LEPR: variants seen among roughly 807,000 people sequenced by gnomAD.
The protein encoded by LEPR is OB receptor.
LEPR carries 56 observed loss-of-function variants against 114.7 expected under a neutral mutation model. That is an observed-to-expected ratio of 0.49 (90% CI 0.39 to 0.61). The LOEUF is 0.61. Among genes scored for constraint, LEPR ranks in the 20% least tolerant of loss-of-function variants. The pLI is 0.00. For synonymous variants in LEPR, 443 were observed against 461.4 expected, an observed-to-expected ratio of 0.96 and a Z score of 0.51; for missense variants, 1,202 against 1,352.9, an observed-to-expected ratio of 0.89 and a Z score of 1.75.
intron 4 of LEPR, 105 bp downstream of exon 4, chr1:65,570,907 T>C: frequency 1.1e-6 from 1 of 936,286 alleles, no homozygotes; most frequent in Non-Finnish European, 1.5e-6. Context: ...TACATAATCA[T>C]TTTTATATGG....
chr1:65,608,862 G>T lies in LEPR; in HGVS notation c.1713G>T (p.Gln571His), dbSNP rs141393785. 4.5e-5 allele frequency: 72 copies of T among 1,613,672 alleles called. No homozygotes were observed. The African/African-American group carries it at 7.6e-4, about 17-fold the overall frequency. Reference sequence around the variant, plus strand: ...TTCCAGAGAATAACCTTCAATTCCAGATTCGCTATGGTTTAAGTGGAAAAG... The same window carrying T: ...TTCCAGAGAATAACCTTCAATTCCATATTCGCTATGGTTTAAGTGGAAAAG... ...PVFPENNLQF[Q>H]IRYGLSGKEV... The change falls in exon 12 of 20, where the codon CAG (glutamine) becomes CAT (histidine). Residue 571 changes from glutamine to histidine, a missense_variant. Coordinates refer to ENST00000349533, the MANE Select transcript of LEPR (RefSeq NM_002303.6).
intron 2 of LEPR, among the ~76,000 whole-genome samples, chr1:65,538,858 A>G (rs1347871268): frequency 6.6e-6 from 1 of 150,848 alleles, no homozygotes; most frequent in Non-Finnish European, 1.5e-5. Context: ...TGTGCCTTTT[A>G]TCTCTGGGAA....
At chr1:65,494,808 C>G (rs551384967) in intron 2 of LEPR, among the ~76,000 whole-genome samples, 1 of 152,210 alleles carries the variant, frequency 6.6e-6, no homozygotes, top group East Asian at 1.9e-4. Flanking sequence ...AATATCACAA[C>G]CCTTCCAAAC....
intron 2 of LEPR, among the ~76,000 whole-genome samples, chr1:65,556,335 A>G (rs1652813838): frequency 1.3e-5 from 2 of 152,170 alleles, no homozygotes; most frequent in South Asian, 4.1e-4. Context: ...AGAAAACTGC[A>G]TTCCAGGGGA....
chr1:65,476,875 C>T (rs367762907), intron 2 of LEPR, among the ~76,000 whole-genome samples: 3 of 152,106 alleles, frequency 2.0e-5, no homozygotes, highest in African/African-American at 7.2e-5. Context: ...ATGTAAGGTG[C>T]GAAGAAAACA....
At chr1:65,438,317 C>T (rs1004209038) in intron 2 of LEPR, among the ~76,000 whole-genome samples, 2 of 151,486 alleles carry the variant, frequency 1.3e-5, no homozygotes, top group South Asian at 2.1e-4. Flanking sequence ...TTTGGGAGGC[C>T]GAGGTGGGCA....
chr1:65,436,066 T>C, intron 2 of LEPR: 1 of 984,898 alleles, frequency 1.0e-6, no homozygotes, highest in Non-Finnish European at 1.2e-6. Context: ...TGCGGTACGT[T>C]ACATTTGGAA....
intron 7 of LEPR, among the ~76,000 whole-genome samples, chr1:65,598,148 G>A (rs1176182226): frequency 7.4e-6 from 1 of 134,942 alleles, no homozygotes; most frequent in Non-Finnish European, 1.5e-5. Context: ...TGCTCAGGCT[G>A]GTCTTGAACT....
At chr1:65,588,121 A>T (rs3828036) in intron 5 of LEPR, among the ~76,000 whole-genome samples, 68,771 of 151,364 alleles carry the variant, frequency 0.45, 16,228 homozygotes, top group East Asian at 0.87. Flanking sequence ...CTGTTACTCC[A>T]CACTCTTCTC....
At chr1:65,626,396 T>C in intron 19 of LEPR, 1 of 775,456 alleles carries the variant, frequency 1.3e-6, no homozygotes, top group Non-Finnish European at 1.6e-6. Flanking sequence ...TCTGGAAATA[T>C]TTGACTTTCT....
chr1:65,454,613 C>T (rs1646840541), intron 2 of LEPR, among the ~76,000 whole-genome samples: 1 of 151,874 alleles, frequency 6.6e-6, no homozygotes, highest in African/African-American at 2.4e-5. Context: ...TATTGGCCCC[C>T]ACTCTCTTCT....
At chr1:65,497,485 A>G (rs144829353) in intron 2 of LEPR, among the ~76,000 whole-genome samples, 2 of 152,228 alleles carry the variant, frequency 1.3e-5, no homozygotes, top group East Asian at 1.9e-4. Flanking sequence ...GAGCTGTCCA[A>G]TAGTAACTTT....
intron 2 of LEPR, among the ~76,000 whole-genome samples, chr1:65,524,671 GC>G (rs1557639532): frequency 6.6e-6 from 1 of 152,124 alleles, no homozygotes; most frequent in East Asian, 1.9e-4. Context: ...TTAAGTAGAG[GC>G]CTTTAAAAAT....
intron 2 of LEPR, among the ~76,000 whole-genome samples, chr1:65,463,696 C>G (rs1352233995): frequency 1.3e-5 from 2 of 152,120 alleles, no homozygotes; most frequent in Non-Finnish European, 2.9e-5. Context: ...TCTTTTATTT[C>G]ATTGAGCAGT....
intron 2 of LEPR, among the ~76,000 whole-genome samples, chr1:65,508,494 G>A (rs982389938): frequency 6.6e-6 from 1 of 152,160 alleles, no homozygotes; most frequent in Non-Finnish European, 1.5e-5. Flanking sequence ...TCAATTGACT[G>A]TAGATGTATA....
intron 2 of LEPR, chr1:65,432,574 A>G (rs1406067970): frequency 3.3e-5 from 32 of 980,952 alleles, no homozygotes; most frequent in Non-Finnish European, 3.6e-5. Context: ...TTTAAAAAAA[A>G]AAAAAAAGTC....
chr1:65,438,548 C>CAAAAAAAAAA (rs1159617552), intron 2 of LEPR, among the ~76,000 whole-genome samples: 1 of 67,794 alleles, frequency 1.5e-5, no homozygotes, highest in Non-Finnish European at 2.7e-5. Context: ...GACTCTGTCT[C>CAAAAAAAAAA]AAAAAAAAAA....
chr1:65,492,810 C>T (rs893392085), intron 2 of LEPR, among the ~76,000 whole-genome samples: 17 of 145,782 alleles, frequency 1.2e-4, no homozygotes, highest in Non-Finnish European at 2.0e-4. Context: ...AAAATTCATC[C>T]ATCTTTTTTT....
intron 2 of LEPR, among the ~76,000 whole-genome samples, chr1:65,475,965 C>T (rs1196180121): frequency 6.6e-6 from 1 of 151,562 alleles, no homozygotes; most frequent in Admixed American, 6.6e-5. Context: ...TGCAGTGAGC[C>T]ATGATCACGC....
Sources: allele counts gnomAD v4.1 joint callset (sites outside exome capture counted in the v4.1 genomes callset), GRCh38; gene constraint gnomAD v4.1.1; transcripts MANE v1.5; gene names NCBI Gene and HGNC (gene_info 2026-07-23, HGNC 2026-07-21).